The following EPN2 variants were observed in gnomAD, a reference collection of about 807,000 sequenced individuals.
EPN2 encodes the protein epsin-2.
EPN2 carries 34 observed loss-of-function variants against 61.7 expected under a neutral mutation model. The observed-to-expected ratio is 0.55, with a 90% CI of 0.42 to 0.73. The LOEUF is 0.73. Among genes scored for constraint, EPN2 ranks in the 30% least tolerant of loss-of-function variants. EPN2 has a pLI of 0.00. For missense variants in EPN2, 714 were observed against 839.2 expected, an observed-to-expected ratio of 0.85 and a Z score of 1.84; for synonymous variants, 349 against 353.6, an observed-to-expected ratio of 0.99 and a Z score of 0.15.
At chr17:19,319,346 A>G (rs935726871) in intron 7 of EPN2, among the ~76,000 whole-genome samples, 1 of 151,520 alleles carries the variant, frequency 6.6e-6, no homozygotes, top group African/African-American at 2.4e-5. Context: ...TTTTTTTGAG[A>G]TGGAGTCTCG....
intron 7 of EPN2, among the ~76,000 whole-genome samples, chr17:19,318,288 GCCTGT>G (rs1356113578): frequency 4.0e-5 from 6 of 150,760 alleles, no homozygotes; most frequent in Non-Finnish European, 5.9e-5. Flanking sequence ...GGTGGCTGAC[GCCTGT>G]AATCCCAGCA....
intron 4 of EPN2, among the ~76,000 whole-genome samples, chr17:19,296,240 TC>T (rs1424239679): frequency 6.6e-6 from 1 of 151,768 alleles, no homozygotes; most frequent in Non-Finnish European, 1.5e-5. Context: ...AACCTCTGCC[TC>T]CCAGGTTCAA....
chr17:19,299,950 TTGAGCACC>T (rs1598006697), intron 4 of EPN2, among the ~76,000 whole-genome samples: 1 of 152,334 alleles, frequency 6.6e-6, no homozygotes, highest in Non-Finnish European at 1.5e-5. Context: ...TGATGGGTGT[TTGAGCACC>T]TACTTTGTGC....
chr17:19,262,849 T>G (rs905983808), intron 1 of EPN2, among the ~76,000 whole-genome samples: 1 of 152,280 alleles, frequency 6.6e-6, no homozygotes, highest in Non-Finnish European at 1.5e-5. Flanking sequence ...GTGTGTGGGC[T>G]TTTGTGTTTG....
intron 1 of EPN2, among the ~76,000 whole-genome samples, chr17:19,238,120 C>T (rs559170961): frequency 6.6e-6 from 1 of 152,356 alleles, no homozygotes; most frequent in East Asian, 1.9e-4. Context: ...CCCCACTCCC[C>T]AGCCCCCACT....
chr17:19,249,741 T>C (rs1408687294), intron 1 of EPN2, among the ~76,000 whole-genome samples: 4 of 152,250 alleles, frequency 2.6e-5, no homozygotes, highest in Non-Finnish European at 5.9e-5. Flanking sequence ...ATGGCTGCTG[T>C]GACAAATTGC....
intron 1 of EPN2, among the ~76,000 whole-genome samples, chr17:19,269,590 C>G (rs569572243): frequency 6.6e-6 from 1 of 152,194 alleles, no homozygotes; most frequent in African/African-American, 2.4e-5. Context: ...CTGACTGACT[C>G]CATTGTATTG....
rs113916739 is a variant in EPN2 at position 19,285,589 on chromosome 17, CTGTGTG to C, written c.596-19_596-14del. 22 of 1,427,360 alleles carry C rather than the reference CTGTGTG, an allele frequency of 1.5e-5. No homozygotes were observed. Among genetic ancestry groups the C allele is most frequent in the East Asian group, 2.7e-5 (1 of 37,384 alleles). The allele number at this position is 1,427,360 out of a possible 1,614,324, so 88.4% of individuals were successfully genotyped here. A position where few individuals can be genotyped will look rare whatever the true frequency, so the allele number is the denominator to read the frequency against. On this transcript the variant is annotated intron_variant, in intron 3 of 10. Transcript: ENST00000314728. The surrounding 1 kb of genome is among the most constrained non-coding windows in gnomAD (Gnocchi z 4.5). Reference sequence around the variant, plus strand: ...GCGCACCCTCTAATGGCGTGTCTCTCTGTGTGTGTGTGTGTGTCCCTGCCCCACAGC... The same window carrying C: ...GCGCACCCTCTAATGGCGTGTCTCTCTGTGTGTGTGTCCCTGCCCCACAGC...
At chr17:19,315,775 G>A (rs534673951) in intron 7 of EPN2, among the ~76,000 whole-genome samples, 75 of 152,262 alleles carry the variant, frequency 4.9e-4, no homozygotes, top group Non-Finnish European at 8.8e-4. Flanking sequence ...ATGAGGCACC[G>A]CTCCTGGCCC....
intron 1 of EPN2, among the ~76,000 whole-genome samples, chr17:19,270,620 T>C (rs532076312): frequency 6.6e-6 from 1 of 152,244 alleles, no homozygotes; most frequent in African/African-American, 2.4e-5. Flanking sequence ...ACAGCCATGC[T>C]GAGCAGCACC....
Position 19,329,567 on chromosome 17 carries a change from T to C in EPN2, c.1331T>C (p.Phe444Ser), listed in dbSNP as rs1465480887. 2 of 1,610,302 alleles carry C rather than the reference T, an allele frequency of 1.2e-6. No individual in the cohort carries two copies. Among genetic ancestry groups the C allele is most frequent in the Non-Finnish European group, 1.7e-6 (2 of 1,177,084 alleles). ...TTKPVSVSGSFELFSNLNGTI... is the reference protein window; with the variant it reads ...TTKPVSVSGSSELFSNLNGTI... ...GGCTTCTGTGTCCACCCAGGGTCCT[T>C]TGAGCTCTTCAGTAATCTGAATGGT... Residue 444 changes from phenylalanine to serine, a missense_variant, in exon 9 of 11, where the codon TTT becomes TCT. Around this residue, in one of 2 missense-constraint regions of EPN2, gnomAD observed 410 missense variants for 421.8 expected, o/e 0.97. Coordinates refer to ENST00000314728, the MANE Select transcript of EPN2 (RefSeq NM_014964.5).
intron 7 of EPN2, among the ~76,000 whole-genome samples, chr17:19,315,570 T>G (rs1466695843): frequency 1.3e-5 from 2 of 152,194 alleles, no homozygotes; most frequent in African/African-American, 4.8e-5. Context: ...CATTGCAACC[T>G]TCGCCTCCCA....
At position 19,283,028 on chromosome 17, in the gene EPN2, C is replaced by A; in HGVS notation, c.-92C>A. The A allele has an allele frequency of 2.3e-6, 2 of 853,096 alleles. No individual in the cohort carries two copies. Among genetic ancestry groups the A allele is most frequent in the South Asian group, 1.8e-5 (1 of 54,074 alleles). 52.8% of individuals were successfully genotyped at this position (853,096 alleles called of 1,614,324 possible). On this transcript the variant is annotated 5_prime_UTR_variant, in exon 3 of 11. Transcript: ENST00000314728. The surrounding 1 kb of genome is among the most constrained non-coding windows in gnomAD (Gnocchi z 7.0). ...CAGGGATCTTACTCCAGCTTGATTA[C>A]GGAGACTGAACCTTCATAGGGTGCG...
chr17:19,249,345 G>C (rs2044987731), intron 1 of EPN2: 1 of 152,280 alleles, frequency 6.6e-6, no homozygotes, highest in Non-Finnish European at 1.5e-5. Flanking sequence ...AGGACCTGAA[G>C]AGCCCTCACT....
intron 4 of EPN2, among the ~76,000 whole-genome samples, chr17:19,297,644 G>T (rs2045533607): frequency 1.3e-5 from 2 of 152,154 alleles, no homozygotes; most frequent in Non-Finnish European, 2.9e-5. Context: ...AAACTATGGA[G>T]CTGCTGTAGC....
chr17:19,288,162 G>C (rs985178346), intron 4 of EPN2, among the ~76,000 whole-genome samples: 1 of 152,184 alleles, frequency 6.6e-6, no homozygotes, highest in African/African-American at 2.4e-5. Context: ...CAGTCTGGGG[G>C]TCCTCCTGTT....
Position 19,241,136 on chromosome 17 carries a change from G to A in EPN2, c.-294+3605G>A, listed in dbSNP as rs146090846. 1.3e-3 allele frequency among the ~76,000 whole-genome samples: 192 copies of A among 152,296 alleles called. 2 individuals are homozygous for A. The highest frequency in any genetic ancestry group is 4.4e-3 in the African/African-American group (184 of 41,556). ...ACCTGTTACCTACTTCGAGGACCAA[G>A]TCTCATGGGGATGAAGAGACACACT... On this transcript the variant is annotated intron_variant, in intron 1 of 10. Transcript: ENST00000314728.
intron 1 of EPN2, among the ~76,000 whole-genome samples, chr17:19,240,172 C>A (rs2044868288): frequency 6.6e-6 from 1 of 151,990 alleles, no homozygotes; most frequent in African/African-American, 2.4e-5. Flanking sequence ...TGTGAAGGAC[C>A]ACGATTGTTG....
intron 1 of EPN2, among the ~76,000 whole-genome samples, chr17:19,277,362 C>T (rs1179190181): frequency 2.9e-5 from 4 of 138,500 alleles, no homozygotes; most frequent in South Asian, 2.2e-4. Flanking sequence ...GATTGCACCA[C>T]GGCACTCCAG....
Sources: allele counts gnomAD v4.1 joint callset (sites outside exome capture counted in the v4.1 genomes callset), GRCh38; gene constraint gnomAD v4.1.1; regional missense constraint gnomAD v4.1.1; non-coding constraint Gnocchi (gnomAD v3.1); transcripts MANE v1.5; gene names NCBI Gene and HGNC (gene_info 2026-07-23, HGNC 2026-07-21).